Variants in FHOD3 observed in about 807,000 individuals in gnomAD.
FHOD3 encodes FH1/FH2 domain-containing protein 3.
A neutral mutation model predicts 173.0 loss-of-function variants in FHOD3; 90 were observed. That is an observed-to-expected ratio of 0.52 (90% CI 0.44 to 0.62). FHOD3 has a LOEUF of 0.62. Among genes scored for constraint, FHOD3 ranks in the 20% least tolerant of loss-of-function variants. The pLI is 0.00. For synonymous variants in FHOD3, 828 were observed against 823.0 expected, an observed-to-expected ratio of 1.01 and a Z score of -0.10; for missense variants, 1,945 against 2,034.7, an observed-to-expected ratio of 0.96 and a Z score of 0.85.
At chr18:36,448,290 A>G (rs2051615785) in intron 3 of FHOD3, among the ~76,000 whole-genome samples, 1 of 152,204 alleles carries the variant, frequency 6.6e-6, no homozygotes, top group Non-Finnish European at 1.5e-5. Context: ...GTGTAGGTTC[A>G]TAAAGGGTAG....
At chr18:36,462,398 C>T (rs2052609131) in intron 3 of FHOD3, among the ~76,000 whole-genome samples, 1 of 152,076 alleles carries the variant, frequency 6.6e-6, no homozygotes, top group Admixed American at 6.6e-5. Context: ...GTGGTGCTAT[C>T]TCGGCTCACT....
chr18:36,594,850 A>T lies in FHOD3; in HGVS notation c.670A>T (p.Asn224Tyr). ...LLVFVEYSES[N>Y]APLLIQAVTA... ...CGTCTTTGTAGAGTACTCGGAGTCC[A>T]ACGCACCTCTCCTAATTCAGGCTGT... is the stretch of plus-strand genomic sequence containing the variant. Residue 224 changes from asparagine (N) to tyrosine (Y), a missense_variant, in exon 7 of 29, where the codon AAC (asparagine) becomes TAC (tyrosine). Coordinates refer to ENST00000590592, the MANE Select transcript of FHOD3 (RefSeq NM_001281740.3). 1 of 1,613,966 alleles carries T rather than the reference A, an allele frequency of 6.2e-7. No individual in the cohort carries two copies. Among genetic ancestry groups the T allele is most frequent in the East Asian group, 2.2e-5 (1 of 44,870 alleles).
intron 1 of FHOD3, among the ~76,000 whole-genome samples, chr18:36,330,571 G>GT (rs2044935857): frequency 6.8e-6 from 1 of 147,822 alleles, no homozygotes; most frequent in South Asian, 2.1e-4. Flanking sequence ...CTGAAGGCAG[G>GT]GGACTGTGGC....
intron 9 of FHOD3, among the ~76,000 whole-genome samples, chr18:36,617,384 G>A (rs1038218378): frequency 2.6e-5 from 4 of 152,120 alleles, no homozygotes; most frequent in African/African-American, 9.7e-5. Context: ...CGTATCTTTT[G>A]ACTCTTTGTA....
Position 36,613,744 on chromosome 18 carries a change from G to A in FHOD3, c.957+1649G>A, listed in dbSNP as rs929419324. Among the ~76,000 whole-genome samples the A allele has an allele frequency of 3.3e-5, 5 of 152,050 alleles. No individual in the cohort carries two copies. The South Asian group carries it at 1.0e-3, about 32-fold the overall frequency. On this transcript the variant is annotated intron_variant, in intron 9 of 28. Transcript: ENST00000590592. ...GCTAGAGTGTGGTGGCGCGATCTCG[G>A]CTCACTGCAACCTCTGCCTCCTGGG... is the stretch of plus-strand genomic sequence containing the variant.
chr18:36,502,229 A>G (rs996145951), intron 4 of FHOD3, among the ~76,000 whole-genome samples: 2 of 145,708 alleles, frequency 1.4e-5, no homozygotes, highest in African/African-American at 5.1e-5. Flanking sequence ...ATTTTTCCAT[A>G]TTTACTTCTA....
chr18:36,423,788 G>T lies in FHOD3; in HGVS notation c.337+51044G>T, dbSNP rs576125791. On this transcript the variant is annotated intron_variant, in intron 3 of 28. Coordinates refer to ENST00000590592, the MANE Select transcript of FHOD3 (RefSeq NM_001281740.3). Reference sequence around the variant, plus strand: ...AACAGTGGCATAGAATGAATACAGTGGTATAGAATAACATATTTAAAAATA... The same window carrying T: ...AACAGTGGCATAGAATGAATACAGTTGTATAGAATAACATATTTAAAAATA... Among the ~76,000 whole-genome samples the T allele has an allele frequency of 2.0e-5, 3 of 152,210 alleles. No individual in the cohort carries two copies. The South Asian group carries it at 6.2e-4, about 32-fold the overall frequency.
chr18:36,529,303 T>C (rs1670405545), intron 5 of FHOD3, among the ~76,000 whole-genome samples: 2 of 152,336 alleles, frequency 1.3e-5, no homozygotes, highest in Admixed American at 1.3e-4. Flanking sequence ...GCTCTTCGTT[T>C]AGCTGCTGCT....
chr18:36,362,806 AT>A (rs2046698928), intron 2 of FHOD3, among the ~76,000 whole-genome samples: 1 of 152,260 alleles, frequency 6.6e-6, no homozygotes, highest in South Asian at 2.1e-4. Flanking sequence ...GTGGCTTAAA[AT>A]TTTTGACTAT....
At chr18:36,505,847 G>A (rs1033700948) in intron 4 of FHOD3, among the ~76,000 whole-genome samples, 1 of 152,184 alleles carries the variant, frequency 6.6e-6, no homozygotes, top group Non-Finnish European at 1.5e-5. Context: ...GCCAAGGACA[G>A]AATAACCATG....
intron 1 of FHOD3, among the ~76,000 whole-genome samples, chr18:36,301,873 G>A (rs1185083454): frequency 6.6e-6 from 1 of 152,210 alleles, no homozygotes; most frequent in African/African-American, 2.4e-5. Flanking sequence ...ATTACTTAAT[G>A]ATTTAATTCA....
At chr18:36,307,193 A>G (rs1424498607) in intron 1 of FHOD3, among the ~76,000 whole-genome samples, 4 of 151,422 alleles carry the variant, frequency 2.6e-5, no homozygotes. Flanking sequence ...CGAATTCCTG[A>G]CCTCGTAATC....
intron 5 of FHOD3, among the ~76,000 whole-genome samples, chr18:36,550,578 G>T (rs1443204997): frequency 6.6e-6 from 1 of 151,792 alleles, no homozygotes. Context: ...TTTAATCTAT[G>T]ACATGATATA....
rs141789228 is a variant in FHOD3, at chr18:36,512,355, T to C, written c.406-83T>C. 5.7e-5 allele frequency: 58 copies of C among 1,017,062 alleles called. No individual in the cohort carries two copies. The East Asian group carries it at 6.8e-4, about 12-fold the overall frequency. The allele number at this position is 1,017,062 out of a possible 1,614,324, so 63.0% of individuals were successfully genotyped here. ...TAGGGTCCATTCTGGCTTTAAAGGCTTGTACATAGTTTTAGCAGCACAGCT... is the reference window on the plus strand; with the variant it reads ...TAGGGTCCATTCTGGCTTTAAAGGCCTGTACATAGTTTTAGCAGCACAGCT... On this transcript the variant is annotated intron_variant, in intron 4 of 28. Coordinates refer to ENST00000590592, the MANE Select transcript of FHOD3 (RefSeq NM_001281740.3).
At chr18:36,616,307 G>T (rs1278236991) in intron 9 of FHOD3, among the ~76,000 whole-genome samples, 1 of 152,120 alleles carries the variant, frequency 6.6e-6, no homozygotes, top group East Asian at 1.9e-4. Context: ...ATTCCATAGG[G>T]TCACTGTATA....
intron 10 of FHOD3, among the ~76,000 whole-genome samples, chr18:36,634,218 T>C (rs1029046362): frequency 6.6e-6 from 1 of 151,656 alleles, no homozygotes; most frequent in Non-Finnish European, 1.5e-5. Context: ...AGGGAGGCAA[T>C]TGGAGGGGTG....
chr18:36,453,134 T>G (rs1458851685), intron 3 of FHOD3, among the ~76,000 whole-genome samples: 5 of 152,176 alleles, frequency 3.3e-5, no homozygotes, highest in Non-Finnish European at 5.9e-5. Flanking sequence ...CCAGAGTTCT[T>G]TTTGATCAAA....
At chr18:36,475,711 GGT>G (rs2053528634) in intron 3 of FHOD3, among the ~76,000 whole-genome samples, 1 of 151,090 alleles carries the variant, frequency 6.6e-6, no homozygotes, top group Non-Finnish European at 1.5e-5. Context: ...AATCTATAGA[GGT>G]GGGATTACAG....
intron 5 of FHOD3, among the ~76,000 whole-genome samples, chr18:36,541,900 T>C (rs2057238216): frequency 1.3e-5 from 2 of 152,170 alleles, no homozygotes. Context: ...TACTCAGATC[T>C]TCAGATAACA....
Sources: gnomAD v4.1 joint callset for allele counts (sites outside exome capture counted in the v4.1 genomes callset) on GRCh38, gnomAD v4.1.1 for gene constraint, MANE v1.5 for transcripts, NCBI Gene and HGNC (gene_info 2026-07-23, HGNC 2026-07-21) for gene names.